Variants in SLC15A2 observed in about 807,000 individuals in gnomAD.
SLC15A2 encodes solute carrier family 15 member 2.
A neutral mutation model predicts 95.5 loss-of-function variants in SLC15A2; 77 were observed. That is an observed-to-expected ratio of 0.81 (90% CI 0.67 to 0.97). SLC15A2 has a LOEUF of 0.97. SLC15A2 is among the 50% of genes least tolerant of loss of function. SLC15A2 has a pLI of 0.00. For missense variants in SLC15A2, 893 were observed against 874.4 expected, an observed-to-expected ratio of 1.02 and a Z score of -0.27; for synonymous variants, 306 against 306.9, an observed-to-expected ratio of 1.00 and a Z score of 0.03.
At chr3:121,927,902 G>C in intron 14 of SLC15A2, 63 bp downstream of exon 14, 1 of 1,276,114 alleles carries the variant, frequency 7.8e-7, no homozygotes, top group Non-Finnish European at 1.1e-6. Context: ...TTGCTCTTTT[G>C]ACTTGTTCAG....
intron 12 of SLC15A2, 141 bp downstream of exon 12, chr3:121,924,524 C>A: frequency 2.6e-6 from 2 of 782,246 alleles, no homozygotes; most frequent in Non-Finnish European, 4.4e-6. Context: ...TGAAAACATT[C>A]CCATTAAGCC....
Position 121,931,672 on chromosome 3 carries a change from G to T in SLC15A2, c.1698G>T (p.Lys566Asn). The change falls in exon 19 of 22, where the codon AAG becomes AAT. Residue 566 changes from lysine to asparagine, a missense_variant. Coordinates refer to ENST00000489711, the MANE Select transcript of SLC15A2 (RefSeq NM_021082.4). ...CAGTGCACTGTAGAACAGAAGATAA[G>T]AACTTTTCTCTGAATTTGGGTCTTC... is the stretch of plus-strand genomic sequence containing the variant. Reference protein sequence around the residue: ...YPAVHCRTEDKNFSLNLGLLD... With the variant: ...YPAVHCRTEDNNFSLNLGLLD... 6.2e-7 allele frequency: 1 copy of T among 1,613,498 alleles called. No homozygotes were observed. The highest frequency in any genetic ancestry group is 8.5e-7 in the Non-Finnish European group (1 of 1,179,502).
At chr3:121,924,575 G>C (rs1197618548) in intron 12 of SLC15A2, among the ~76,000 whole-genome samples, 192 bp downstream of exon 12, 2 of 147,212 alleles carry the variant, frequency 1.4e-5, no homozygotes, top group East Asian at 2.1e-4. Context: ...TACTTAACTT[G>C]CAACGGGTTA....
chr3:121,911,651 G>T lies in SLC15A2; in HGVS notation c.413G>T (p.Gly138Val). Residue 138 changes from glycine (G) to valine (V), a missense_variant, in exon 4 of 22, where the codon GGA (glycine) becomes GTA (valine). Gly to Val is a moderately radical substitution (Grantham distance 109, BLOSUM62 -3). Transcript: ENST00000489711. ...KSLGALPILG[G>V]QVVHTVLSLI... ...TTGGGTGCCTTACCAATACTGGGAG[G>T]ACAAGTGGTACACACGTGAGTAAAA... 1 of 1,610,400 alleles carries T rather than the reference G, an allele frequency of 6.2e-7. No individual in the cohort carries two copies.
chr3:121,901,352 G>A (rs1709516893), intron 3 of SLC15A2, among the ~76,000 whole-genome samples: 1 of 152,158 alleles, frequency 6.6e-6, no homozygotes, highest in Non-Finnish European at 1.5e-5. Flanking sequence ...ACGTAGAATA[G>A]TGCCTAGCAG....
intron 13 of SLC15A2, 58 bp from the exon 14 acceptor site, chr3:121,927,700 G>T: frequency 7.6e-7 from 1 of 1,307,342 alleles, no homozygotes; most frequent in South Asian, 1.2e-5. Flanking sequence ...TACAGAGTTT[G>T]GATTTCATCC....
intron 7 of SLC15A2, 62 bp downstream of exon 7, chr3:121,915,755 T>C (rs532303986): frequency 6.9e-6 from 8 of 1,158,778 alleles, no homozygotes; most frequent in Admixed American, 1.7e-5. Context: ...TAAAGCATCA[T>C]GTAGGCACTT....
At chr3:121,899,309 C>T (rs1057221779) in intron 3 of SLC15A2, among the ~76,000 whole-genome samples, 58 of 152,010 alleles carry the variant, frequency 3.8e-4, no homozygotes, top group South Asian at 1.5e-3. Context: ...ATTCAAAAGC[C>T]TTAACTGTAC....
chr3:121,943,946 T>C lies in SLC15A2; in HGVS notation c.*2939T>C, dbSNP rs1710505198. On this transcript the variant is annotated 3_prime_UTR_variant, in exon 22 of 22. Coordinates refer to ENST00000489711, the MANE Select transcript of SLC15A2 (RefSeq NM_021082.4). Reference sequence around the variant, plus strand: ...GGTACAAAAAACTTTACACATTATATAGATGTATCAAATTATTCATATGTG... The same window carrying C: ...GGTACAAAAAACTTTACACATTATACAGATGTATCAAATTATTCATATGTG... 1 of 152,264 alleles carries C rather than the reference T, an allele frequency of 6.6e-6. No homozygotes were observed. 9.4% of individuals were successfully genotyped at this position (152,264 alleles called of 1,614,324 possible).
At chr3:121,923,360 A>G in intron 11 of SLC15A2, 94 bp downstream of exon 11, 1 of 1,255,460 alleles carries the variant, frequency 8.0e-7, no homozygotes, top group Non-Finnish European at 1.1e-6. Context: ...CCTGAAAACT[A>G]ACAAGATCTT....
At chr3:121,923,470 T>C (rs1239199177) in intron 11 of SLC15A2, among the ~76,000 whole-genome samples, 1 of 152,156 alleles carries the variant, frequency 6.6e-6, no homozygotes, top group Non-Finnish European at 1.5e-5. Context: ...ATCAGGAACA[T>C]AAGGATGAGA....
At chr3:121,898,022 C>A (rs2107565844) in intron 3 of SLC15A2, among the ~76,000 whole-genome samples, 1 of 152,068 alleles carries the variant, frequency 6.6e-6, no homozygotes, top group Admixed American at 6.6e-5. Flanking sequence ...ATTGGCCAGG[C>A]ATGGTGGCGG....
At chr3:121,914,996 GA>G in intron 5 of SLC15A2, 6 of 1,284,702 alleles carry the variant, frequency 4.7e-6, no homozygotes, top group Non-Finnish European at 5.9e-6. Context: ...TTTAACCTAT[GA>G]AAAGGGAGGA....
intron 3 of SLC15A2, among the ~76,000 whole-genome samples, chr3:121,909,347 A>T (rs1709716365): frequency 6.6e-6 from 1 of 152,126 alleles, no homozygotes; most frequent in Non-Finnish European, 1.5e-5. Flanking sequence ...ACAGGGGTGA[A>T]CCACTGCAAC....
At chr3:121,914,866 AAAAAAAAAAC>A (rs1477820725) in intron 5 of SLC15A2, 8 of 407,980 alleles carry the variant, frequency 2.0e-5, no homozygotes, top group Non-Finnish European at 2.7e-5. Context: ...TCAAAAAAAA[AAAAAAAAAAC>A]CACAAACACA....
intron 7 of SLC15A2, among the ~76,000 whole-genome samples, chr3:121,917,714 A>G (rs1368783450): frequency 1.3e-5 from 2 of 152,000 alleles, no homozygotes; most frequent in Admixed American, 6.6e-5. Context: ...ATAAAATAAT[A>G]AATAAATAAA....
chr3:121,913,674 T>C (rs1047452068), intron 5 of SLC15A2, among the ~76,000 whole-genome samples: 4 of 152,236 alleles, frequency 2.6e-5, no homozygotes, highest in East Asian at 1.9e-4. Flanking sequence ...TGAATGTCTA[T>C]AGATGAATTT....
chr3:121,915,799 G>A (rs1709883900), intron 7 of SLC15A2, 106 bp downstream of exon 7: 7 of 765,544 alleles, frequency 9.1e-6, no homozygotes, highest in South Asian at 7.8e-5. Context: ...CTCACACCAG[G>A]CCTATTGGGT....
intron 11 of SLC15A2, 25 bp downstream of exon 11, chr3:121,923,291 A>T (rs1710046117): frequency 6.2e-7 from 1 of 1,608,450 alleles, no homozygotes; most frequent in South Asian, 1.1e-5. Flanking sequence ...TTTTCCAGAG[A>T]AGTCTATTAT....
Sources: gnomAD v4.1 joint callset for allele counts (sites outside exome capture counted in the v4.1 genomes callset) on GRCh38, gnomAD v4.1.1 for gene constraint, MANE v1.5 for transcripts, NCBI Gene and HGNC (gene_info 2026-07-23, HGNC 2026-07-21) for gene names.